Variants in DSCAM observed in about 807,000 individuals in gnomAD.
The protein encoded by DSCAM is DS cell adhesion molecule.
In DSCAM, 47 loss-of-function variants were observed where a neutral mutation model predicts 217.7. The ratio of observed to expected loss-of-function variants is 0.22; its 90% confidence interval spans 0.17 to 0.28. The LOEUF (loss-of-function observed/expected upper bound fraction) is 0.28. DSCAM is among the 10% of genes least tolerant of loss of function. DSCAM has a pLI of 1.00. For missense variants in DSCAM, 2,080 were observed against 2,618.3 expected (o/e 0.79, Z 4.49); for synonymous variants, 1,056 against 1,015.3 (o/e 1.04, Z -0.76).
chr21:40,291,870 AG>A (rs2073896354), intron 10 of DSCAM, among the ~76,000 whole-genome samples: 1 of 152,218 alleles, frequency 6.6e-6, no homozygotes, highest in South Asian at 2.1e-4. Flanking sequence ...AAGGAGGCCC[AG>A]GCCAGGCCCC....
intron 27 of DSCAM, among the ~76,000 whole-genome samples, chr21:40,071,354 C>T (rs929706667): frequency 1.8e-4 from 28 of 152,156 alleles, no homozygotes; most frequent in African/African-American, 3.6e-4. Context: ...TAGTAAAGTA[C>T]TCAGGAAGAG....
intron 1 of DSCAM, among the ~76,000 whole-genome samples, chr21:40,723,847 A>C (rs927480963): frequency 1.3e-5 from 2 of 152,228 alleles, no homozygotes; most frequent in African/African-American, 4.8e-5. Context: ...TTTGTGTAAG[A>C]ATGTTCTTTT....
At chr21:40,276,030 GA>G in intron 11 of DSCAM, 66 bp downstream of exon 11, 2 of 1,444,340 alleles carry the variant, frequency 1.4e-6, no homozygotes, top group Non-Finnish European at 1.8e-6. Context: ...GGAGACAATT[GA>G]AAAAGGAAGC....
At chr21:40,068,280 G>A (rs567167088) in intron 27 of DSCAM, among the ~76,000 whole-genome samples, 2 of 152,232 alleles carry the variant, frequency 1.3e-5, no homozygotes, top group East Asian at 3.9e-4. Flanking sequence ...TTACATTTGG[G>A]TGGCGAGTGG....
chr21:40,637,818 G>A (rs1361306361), intron 3 of DSCAM, among the ~76,000 whole-genome samples: 1 of 150,010 alleles, frequency 6.7e-6, no homozygotes, highest in Non-Finnish European at 1.5e-5. Flanking sequence ...GACTACAGGT[G>A]CGCACCACCA....
intron 3 of DSCAM, among the ~76,000 whole-genome samples, chr21:40,514,624 A>G (rs1002068660): frequency 5.3e-5 from 8 of 152,254 alleles, no homozygotes; most frequent in African/African-American, 1.7e-4. Context: ...AATAAGATGA[A>G]AAAACTAACG....
At chr21:40,432,305 C>T (rs1186900750) in intron 3 of DSCAM, among the ~76,000 whole-genome samples, 5 of 152,106 alleles carry the variant, frequency 3.3e-5, no homozygotes, top group African/African-American at 2.4e-5. Flanking sequence ...TTTCCAGAGG[C>T]TTCAGTGGAG....
intron 1 of DSCAM, among the ~76,000 whole-genome samples, chr21:40,839,355 A>T (rs1300870541): frequency 2.0e-5 from 3 of 152,220 alleles, no homozygotes; most frequent in African/African-American, 7.2e-5. Flanking sequence ...ACTGAGATGT[A>T]TGCAGATTTC....
chr21:40,124,074 A>T (rs2090066995), intron 20 of DSCAM, 121 bp downstream of exon 20: 4 of 1,425,072 alleles, frequency 2.8e-6, no homozygotes, highest in Non-Finnish European at 3.8e-6. Context: ...GCAGGGGCAA[A>T]ACAAAACCAC....
chr21:40,805,694 C>T (rs547702964), intron 1 of DSCAM, among the ~76,000 whole-genome samples: 24 of 148,014 alleles, frequency 1.6e-4, no homozygotes, highest in Non-Finnish European at 7.5e-5. Context: ...TTATTAAACA[C>T]AATGTTTTCT....
intron 3 of DSCAM, among the ~76,000 whole-genome samples, chr21:40,395,727 A>G (rs1329442566): frequency 6.6e-6 from 1 of 152,186 alleles, no homozygotes; most frequent in African/African-American, 2.4e-5. Flanking sequence ...CTTTCCATGG[A>G]CAAAGTCTAT....
intron 1 of DSCAM, among the ~76,000 whole-genome samples, chr21:40,753,618 A>C (rs1383189576): frequency 6.6e-6 from 1 of 152,206 alleles, no homozygotes; most frequent in Admixed American, 6.5e-5. Flanking sequence ...CAGAGTAGCC[A>C]GAGGTAGGCT....
intron 11 of DSCAM, among the ~76,000 whole-genome samples, chr21:40,195,277 T>C (rs1386660630): frequency 1.3e-5 from 2 of 152,326 alleles, no homozygotes; most frequent in East Asian, 3.9e-4. Context: ...CTATCAATAA[T>C]GCAAAATTAA....
Position 40,722,113 on chromosome 21 carries a change from T to C in DSCAM, c.44-13342A>G, listed in dbSNP as rs2090908100. Among the ~76,000 whole-genome samples the C allele has an allele frequency of 2.0e-5, 3 of 152,068 alleles. No homozygotes were observed. The South Asian group carries it at 6.2e-4, about 32-fold the overall frequency. ...TTTTCATAAAGACAAAATAACTTTCTAGACATTCCAAAGCTGAGAATTCAT... is the reference window on the plus strand; with the variant it reads ...TTTTCATAAAGACAAAATAACTTTCCAGACATTCCAAAGCTGAGAATTCAT... On this transcript the variant is annotated intron_variant, in intron 1 of 32. Transcript: ENST00000400454.
At position 40,516,986 on chromosome 21, in the gene DSCAM, T is replaced by C. The variant is rs562868475; in HGVS notation, c.509-147741A>G. ...TGTAAATATACATATATTATATATATACATATATATACACCATATATATAC... is the reference window on the plus strand; with the variant it reads ...TGTAAATATACATATATTATATATACACATATATATACACCATATATATAC... On this transcript the variant is annotated intron_variant, in intron 3 of 32. Transcript: ENST00000400454. Among the ~76,000 whole-genome samples, 11 of 147,516 alleles carry C rather than the reference T, an allele frequency of 7.5e-5. 1 individual carries two copies. The South Asian group carries it at 2.3e-3, about 31-fold the overall frequency.
At chr21:40,267,204 C>T (rs2073550216) in intron 11 of DSCAM, among the ~76,000 whole-genome samples, 1 of 141,312 alleles carries the variant, frequency 7.1e-6, no homozygotes, top group African/African-American at 2.8e-5. Context: ...AATGAAAAAA[C>T]AAGTAACAGG....
At chr21:40,637,785 GTC>G (rs1301026982) in intron 3 of DSCAM, among the ~76,000 whole-genome samples, 1 of 149,572 alleles carries the variant, frequency 6.7e-6, no homozygotes, top group African/African-American at 2.5e-5. Context: ...CAATTCTCCT[GTC>G]TCAGCCTCTC....
At chr21:40,777,292 A>G (rs1601246522) in intron 1 of DSCAM, among the ~76,000 whole-genome samples, 1 of 152,310 alleles carries the variant, frequency 6.6e-6, no homozygotes, top group Middle Eastern at 3.4e-3. Flanking sequence ...CTACCATCAC[A>G]TTGGGGATTA....
In DSCAM at chr21:40,738,978, G is replaced by T. The variant is rs564084671; in HGVS notation, c.44-30207C>A. ...CAGCTCCAACCCTGCAGGAAGAAGG[G>T]GGAGCATGAGTTCTGGTGGGGAGTG... On this transcript the variant is annotated intron_variant, in intron 1 of 32. Transcript: ENST00000400454. Among the ~76,000 whole-genome samples the T allele has an allele frequency of 3.3e-5, 5 of 152,308 alleles. No homozygotes were observed. The South Asian group carries it at 1.0e-3, about 32-fold the overall frequency.
Sources: allele counts gnomAD v4.1 joint callset (sites outside exome capture counted in the v4.1 genomes callset), GRCh38; gene constraint gnomAD v4.1.1; transcripts MANE v1.5; gene names NCBI Gene and HGNC (gene_info 2026-07-23, HGNC 2026-07-21).